The following ANK3 variants were observed in gnomAD, a reference collection of about 807,000 sequenced individuals.
ANK3 encodes ankyrin 3, also known as ankyrin-3.
ANK3 carries 57 observed loss-of-function variants against 370.9 expected under a neutral mutation model. The observed-to-expected ratio is 0.15, with a 90% confidence interval of 0.12 to 0.19. The LOEUF is 0.19. ANK3 is among the 10% of genes least tolerant of loss of function. ANK3 has a pLI of 1.00. For missense variants in ANK3, 4,439 were observed against 5,302.1 expected, an observed-to-expected ratio of 0.84 and a Z score of 5.06; for synonymous variants, 1,929 against 1,946.3, an observed-to-expected ratio of 0.99 and a Z score of 0.23.
intron 8 of ANK3, among the ~76,000 whole-genome samples, chr10:60,231,784 C>T (rs2097250633): frequency 6.6e-6 from 1 of 152,156 alleles, no homozygotes; most frequent in Admixed American, 6.5e-5. Flanking sequence ...GACACCCTTC[C>T]CCCAACCCAT....
intron 8 of ANK3, among the ~76,000 whole-genome samples, chr10:60,219,156 G>A (rs1347133174): frequency 6.6e-6 from 1 of 151,872 alleles, no homozygotes; most frequent in Admixed American, 6.6e-5. Flanking sequence ...TCTCACAACA[G>A]GTTATTCTAG....
intron 2 of ANK3, among the ~76,000 whole-genome samples, chr10:60,456,274 C>T (rs915550254): frequency 1.3e-5 from 2 of 152,188 alleles, no homozygotes; most frequent in Non-Finnish European, 2.9e-5. Context: ...GGAAACATAG[C>T]GCATCTTCCC....
At chr10:60,537,431 T>G (rs1378851883) in intron 2 of ANK3, among the ~76,000 whole-genome samples, 1 of 151,998 alleles carries the variant, frequency 6.6e-6, no homozygotes, top group African/African-American at 2.4e-5. Flanking sequence ...GAGATCATTT[T>G]CAATTGAGAA....
At chr10:60,637,358 T>G (rs971203088) in intron 1 of ANK3, among the ~76,000 whole-genome samples, 2 of 152,174 alleles carry the variant, frequency 1.3e-5, no homozygotes, top group African/African-American at 4.8e-5. Flanking sequence ...GCAATTGCAT[T>G]TGATACACAT....
chr10:60,230,018 G>C (rs572752161), intron 8 of ANK3, among the ~76,000 whole-genome samples: 2 of 152,284 alleles, frequency 1.3e-5, no homozygotes, highest in South Asian at 4.2e-4. Context: ...TGAGAGTATT[G>C]TTATTACCAA....
At chr10:60,367,287 A>T (rs1207005983) in intron 1 of ANK3, among the ~76,000 whole-genome samples, 1 of 152,222 alleles carries the variant, frequency 6.6e-6, no homozygotes, top group Non-Finnish European at 1.5e-5. Context: ...TAAATTTTTC[A>T]TCAGACTGCC....
At chr10:60,701,902 A>G (rs10761549) in intron 1 of ANK3, among the ~76,000 whole-genome samples, 102,187 of 152,058 alleles carry the variant, frequency 0.67, 34,486 homozygotes, top group South Asian at 0.83. Flanking sequence ...GAAGGAAATA[A>G]GATAGAAGGA....
At chr10:60,036,916 C>T (rs1045505511) in intron 43 of ANK3, among the ~76,000 whole-genome samples, 3 of 152,164 alleles carry the variant, frequency 2.0e-5, no homozygotes, top group African/African-American at 4.8e-5. Flanking sequence ...CTCAGAGCTT[C>T]GGACTTGCAT....
At position 60,389,720 on chromosome 10, in the gene ANK3, T is replaced by C; in HGVS notation, c.-182A>G. ...AAGCTGAAGCTTTTAAAAACCCAAA[T>C]GATGGTGTCCGGACTTCATCCTACA... On this transcript the variant is annotated 5_prime_UTR_variant, in exon 1 of 44. Transcript: ENST00000280772. The C allele has an allele frequency of 1.4e-6, 2 of 1,433,844 alleles. No individual in the cohort carries two copies. The highest frequency in any genetic ancestry group is 2.5e-5 in the East Asian group (1 of 39,680). 88.8% of individuals were successfully genotyped at this position (1,433,844 alleles called of 1,614,324 possible).
chr10:60,567,574 A>T (rs2077493790), intron 2 of ANK3, among the ~76,000 whole-genome samples: 1 of 152,208 alleles, frequency 6.6e-6, no homozygotes, highest in Non-Finnish European at 1.5e-5. Flanking sequence ...TGCTAACACA[A>T]CATTGATTCT....
intron 36 of ANK3, among the ~76,000 whole-genome samples, chr10:60,076,727 A>G (rs2083923999): frequency 6.6e-6 from 1 of 152,204 alleles, no homozygotes; most frequent in East Asian, 1.9e-4. Context: ...AAAGAGGCAA[A>G]CAATGAAAAA....
At chr10:60,259,744 C>A (rs1231817561) in intron 7 of ANK3, among the ~76,000 whole-genome samples, 1 of 152,094 alleles carries the variant, frequency 6.6e-6, no homozygotes, top group Non-Finnish European at 1.5e-5. Flanking sequence ...CAAACACCAC[C>A]CTGACATAAA....
chr10:60,047,131 A>G (rs1266118807), intron 42 of ANK3, among the ~76,000 whole-genome samples: 2 of 152,120 alleles, frequency 1.3e-5, no homozygotes. Context: ...AAAGTTCTTG[A>G]AAACACTTAG....
At chr10:60,091,727 C>T (rs953240452) in intron 28 of ANK3, among the ~76,000 whole-genome samples, 5 of 145,436 alleles carry the variant, frequency 3.4e-5, no homozygotes, top group Non-Finnish European at 7.6e-5. Context: ...ATGTAATCTG[C>T]ACATTTTTGT....
At chr10:60,560,140 C>A (rs907412186) in intron 2 of ANK3, among the ~76,000 whole-genome samples, 17 of 151,976 alleles carry the variant, frequency 1.1e-4, no homozygotes, top group African/African-American at 4.1e-4. Flanking sequence ...AGTTTACCTC[C>A]AAAAAACCTT....
At chr10:60,656,866 C>T (rs954673520) in intron 1 of ANK3, among the ~76,000 whole-genome samples, 2 of 152,032 alleles carry the variant, frequency 1.3e-5, no homozygotes, top group Non-Finnish European at 2.9e-5. Context: ...CAAGAAATCC[C>T]CCTGCTTCAG....
At chr10:60,437,083 C>T (rs75772100) in intron 2 of ANK3, among the ~76,000 whole-genome samples, 1 of 152,326 alleles carries the variant, frequency 6.6e-6, no homozygotes, top group South Asian at 2.1e-4. Flanking sequence ...TCTGGTTGAA[C>T]TACCACTGAT....
At chr10:60,427,372 G>C (rs961822671) in intron 2 of ANK3, among the ~76,000 whole-genome samples, 1 of 152,064 alleles carries the variant, frequency 6.6e-6, no homozygotes, top group African/African-American at 2.4e-5. Context: ...TGAAAGCCCA[G>C]GGATGTTCAC....
chr10:60,191,861 ATGAT>A (rs2096488324), intron 16 of ANK3, among the ~76,000 whole-genome samples: 1 of 152,174 alleles, frequency 6.6e-6, no homozygotes, highest in Non-Finnish European at 1.5e-5. Context: ...CTACCAATGG[ATGAT>A]TAGATAAAGA....
Sources: gnomAD v4.1 joint callset for allele counts (sites outside exome capture counted in the v4.1 genomes callset) on GRCh38, gnomAD v4.1.1 for gene constraint, MANE v1.5 for transcripts, NCBI Gene and HGNC (gene_info 2026-07-23, HGNC 2026-07-21) for gene names.